KIR2DL1: variants seen among roughly 807,000 people sequenced by gnomAD.
KIR2DL1 encodes killer cell immunoglobulin like receptor, two Ig domains and long cytoplasmic tail 1, also known as killer cell immunoglobulin-like receptor 2DL1.
A neutral mutation model predicts 33.9 loss-of-function variants in KIR2DL1; 38 were observed. That is an observed-to-expected ratio of 1.12 (90% confidence interval 0.86 to 1.47). KIR2DL1 has a LOEUF of 1.47. KIR2DL1 is among the 40% of genes most tolerant of loss of function. The probability of loss-of-function intolerance (pLI) is 0.00; values close to 1 mark genes in which losing one functional copy is unlikely to be tolerated. For missense variants in KIR2DL1, 531 were observed against 433.9 expected, an observed-to-expected ratio of 1.22 and a Z score of -1.99; for synonymous variants, 179 against 165.9, an observed-to-expected ratio of 1.08 and a Z score of -0.61.
chr19:54,770,471 G>A (rs1319826858), intron 1 of KIR2DL1, among the ~76,000 whole-genome samples: 62 of 146,584 alleles, frequency 4.2e-4, no homozygotes, highest in Admixed American at 1.6e-3. Context: ...CTGGAGTGGA[G>A]ATATGGGACT....
At chr19:54,781,801 G>A (rs371690917) in intron 5 of KIR2DL1, among the ~76,000 whole-genome samples, 4,543 of 152,028 alleles carry the variant, frequency 0.03, 101 homozygotes, top group Middle Eastern at 0.078. Context: ...TTTCACTTTT[G>A]TTTTCTTTCC....
chr19:54,781,616 G>T (rs918384722), intron 5 of KIR2DL1, among the ~76,000 whole-genome samples: 1 of 151,358 alleles, frequency 6.6e-6, no homozygotes, highest in African/African-American at 2.4e-5. Context: ...GAGGACAGGT[G>T]GTTTTGAAGC....
intron 4 of KIR2DL1, among the ~76,000 whole-genome samples, chr19:54,777,355 T>A (rs672672): frequency 4.8e-5 from 7 of 146,478 alleles, no homozygotes; most frequent in African/African-American, 1.3e-4. Context: ...GTTCTCAAAG[T>A]TCTAGGATGA....
rs531969582 is a variant in KIR2DL1 at position 54,770,107 on chromosome 19, T to A, written c.34+223T>A. Among the ~76,000 whole-genome samples the A allele has an allele frequency of 7.0e-5, 10 of 143,580 alleles. 1 individual carries two copies. The highest frequency in any genetic ancestry group is 1.2e-4 in the Non-Finnish European group (8 of 64,854). 94.2% of individuals were successfully genotyped at this position (143,580 alleles called of 152,430 possible). A position where few individuals can be genotyped will look rare whatever the true frequency, so the allele number is the denominator to read the frequency against. On this transcript the variant is annotated intron_variant, in intron 1 of 7. Coordinates refer to ENST00000336077, the MANE Select transcript of KIR2DL1 (RefSeq NM_014218.3). The stretch of plus-strand genomic sequence containing the variant: ...TGGAGTGATGGGACTGTAGTGGAGA[T>A]CTGGGCCTGGAGTGGAGATAGGAAC...
chr19:54,781,939 G>A (rs1480987163), intron 5 of KIR2DL1, among the ~76,000 whole-genome samples: 1 of 151,982 alleles, frequency 6.6e-6, no homozygotes, highest in African/African-American at 2.4e-5. Flanking sequence ...ACTGCACCTG[G>A]GCCTATGCCA....
In KIR2DL1 at chr19:54,769,823, G is replaced by A. The variant is rs185952251; in HGVS notation, c.-28G>A. On this transcript the variant is annotated 5_prime_UTR_variant, in exon 1 of 8. Transcript: ENST00000336077. The stretch of plus-strand genomic sequence containing the variant: ...GTGCGCTGCTGAGCTGAGCTCGGTC[G>A]CGGCTGCCTGTCTGCTCCGGCAGCA... 4.5e-3 allele frequency: 7,004 copies of A among 1,564,070 alleles called. 666 individuals are homozygous for A. The highest frequency in any genetic ancestry group is 5.3e-3 in the Non-Finnish European group (6,041 of 1,144,392).
intron 5 of KIR2DL1, chr19:54,780,271 T>G: frequency 2.3e-6 from 1 of 438,758 alleles, no homozygotes. Flanking sequence ...GTCTCACTAT[T>G]CAGATATTTG....
chr19:54,782,100 G>A (rs1282865261), intron 5 of KIR2DL1, among the ~76,000 whole-genome samples: 4 of 151,956 alleles, frequency 2.6e-5, no homozygotes, highest in African/African-American at 7.3e-5. Flanking sequence ...AAAGCTCCTC[G>A]GGACATATGG....
In KIR2DL1 at chr19:54,783,464, T is replaced by A. The variant is rs773029940; in HGVS notation, c.818-22T>A. On this transcript the variant is annotated intron_variant, in intron 6 of 7. Coordinates refer to ENST00000336077, the MANE Select transcript of KIR2DL1 (RefSeq NM_014218.3). ...CCCAGAAGTGCCCTCCGAGCTGTTT[T>A]GTTGACTTCCATCTTCTACAGATGC... is the stretch of plus-strand genomic sequence containing the variant. 1.9e-6 allele frequency: 3 copies of A among 1,612,124 alleles called. No individual in the cohort carries two copies. The East Asian group carries it at 6.7e-5, about 36-fold the overall frequency.
At chr19:54,770,297 G>T (rs1342689137) in intron 1 of KIR2DL1, among the ~76,000 whole-genome samples, 1 of 140,932 alleles carries the variant, frequency 7.1e-6, no homozygotes, top group South Asian at 2.3e-4. Context: ...CAGGAGTGGA[G>T]ATATGGGCCT....
At chr19:54,770,809 T>C (rs202233196) in intron 1 of KIR2DL1, 40 bp from the exon 2 acceptor site, 5 of 1,581,112 alleles carry the variant, frequency 3.2e-6, no homozygotes, top group Non-Finnish European at 3.5e-6. Flanking sequence ...TGCCCTGGTT[T>C]GCCTGCAGAT....
Position 54,773,330 on chromosome 19 carries a change from T to A in KIR2DL1, c.71-3T>A. 1.3e-6 allele frequency: 2 copies of A among 1,597,004 alleles called. No individual in the cohort carries two copies. The highest frequency in any genetic ancestry group is 8.6e-7 in the Non-Finnish European group (1 of 1,169,484). On this transcript the variant is annotated splice_polypyrimidine_tract_variant and splice_region_variant and intron_variant, in intron 2 of 7. Coordinates refer to ENST00000336077, the MANE Select transcript of KIR2DL1 (RefSeq NM_014218.3). Reference sequence around the variant, plus strand: ...CTTCTAAACTCACAACCTCTCTTCCTAGGAGTCCACAGAAAACCTTCCCTC... The same window carrying A: ...CTTCTAAACTCACAACCTCTCTTCCAAGGAGTCCACAGAAAACCTTCCCTC...
intron 2 of KIR2DL1, among the ~76,000 whole-genome samples, chr19:54,772,850 C>G (rs62121633): frequency 0.29 from 39,081 of 133,312 alleles, 5,381 homozygotes; most frequent in South Asian, 0.42. Context: ...CAGGAGCCAG[C>G]CTATGGAAGC....
At chr19:54,780,847 T>A (rs1418943013) in intron 5 of KIR2DL1, among the ~76,000 whole-genome samples, 5 of 121,496 alleles carry the variant, frequency 4.1e-5, no homozygotes, top group Non-Finnish European at 7.0e-5. Flanking sequence ...GACAGATATA[T>A]GAGTGGTGGT....
At chr19:54,780,355 A>C (rs685594) in intron 5 of KIR2DL1, among the ~76,000 whole-genome samples, 1 of 96,702 alleles carries the variant, frequency 1.0e-5, no homozygotes, top group African/African-American at 3.9e-5. Context: ...GCTGTCAGCC[A>C]TGAAGGCACA....
chr19:54,769,901 A>G lies in KIR2DL1; in HGVS notation c.34+17A>G. ...CGTGTGTTGGTGAGTCCTGGAAAGC[A>G]ATAGAGGGAGGGAGTGAGGGGATGG... On this transcript the variant is annotated intron_variant, in intron 1 of 7. Coordinates refer to ENST00000336077, the MANE Select transcript of KIR2DL1 (RefSeq NM_014218.3). 1 of 1,563,500 alleles carries G rather than the reference A, an allele frequency of 6.4e-7. No homozygotes were observed. Among genetic ancestry groups the G allele is most frequent in the Non-Finnish European group, 8.8e-7 (1 of 1,142,630 alleles).
In KIR2DL1 at chr19:54,782,693, G is replaced by C. The variant is rs549116129; in HGVS notation, c.716-229G>C. On this transcript the variant is annotated intron_variant, in intron 5 of 7. Transcript: ENST00000336077. ...AGTGGGGGTGAAATTTCAATGTGAG[G>C]TTTGAAGGGGTCAAACATCTCAACT... is the stretch of plus-strand genomic sequence containing the variant. 1.5e-4 allele frequency among the ~76,000 whole-genome samples: 23 copies of C among 151,976 alleles called. No homozygotes were observed. The South Asian group carries it at 4.2e-3, about 27-fold the overall frequency.
chr19:54,772,568 G>A (rs1600716114), intron 2 of KIR2DL1, among the ~76,000 whole-genome samples: 1 of 145,918 alleles, frequency 6.9e-6, no homozygotes. Context: ...AGCCAGGCAT[G>A]GTGGCAGGTG....
chr19:54,771,021 C>T, intron 2 of KIR2DL1, 137 bp downstream of exon 2: 2 of 1,304,324 alleles, frequency 1.5e-6, no homozygotes, highest in Non-Finnish European at 2.2e-6. Context: ...ACATTTCTGA[C>T]CTTGCCTCCC....
Sources: gnomAD v4.1 joint callset for allele counts (sites outside exome capture counted in the v4.1 genomes callset) on GRCh38, gnomAD v4.1.1 for gene constraint, MANE v1.5 for transcripts, NCBI Gene and HGNC (gene_info 2026-07-23, HGNC 2026-07-21) for gene names.